The following SLC12A2 variants were observed in gnomAD, a reference collection of about 807,000 sequenced individuals.
The protein encoded by SLC12A2 is solute carrier family 12 member 2.
Under a neutral mutation model 136.3 loss-of-function variants are expected in SLC12A2, and 67 were observed. The observed-to-expected ratio is 0.49, with a 90% CI of 0.40 to 0.60. SLC12A2 has a LOEUF of 0.60. Ranked by LOEUF, SLC12A2 falls within the 20% of genes least tolerant of loss-of-function variation. SLC12A2 has a pLI of 0.00. For synonymous variants in SLC12A2, 619 were observed against 562.9 expected (o/e 1.10, Z -1.41); for missense variants, 1,322 against 1,534.7 (o/e 0.86, Z 2.32).
At chr5:128,099,569 A>G (rs1760670547) in intron 1 of SLC12A2, among the ~76,000 whole-genome samples, 1 of 152,212 alleles carries the variant, frequency 6.6e-6, no homozygotes, top group East Asian at 1.9e-4. Flanking sequence ...TAGATTGTTT[A>G]AAACTTTTTG....
intron 13 of SLC12A2, among the ~76,000 whole-genome samples, chr5:128,150,731 C>G (rs1385017823): frequency 1.3e-5 from 2 of 151,778 alleles, no homozygotes; most frequent in Admixed American, 6.6e-5. Context: ...ATAAATACTT[C>G]ACTAAATGGG....
intron 4 of SLC12A2, among the ~76,000 whole-genome samples, chr5:128,120,495 G>A: frequency 2.6e-5 from 4 of 151,502 alleles, no homozygotes; most frequent in African/African-American, 9.8e-5. Flanking sequence ...TTAAGAAAAT[G>A]TGGCACATAT....
At chr5:128,098,428 C>T (rs1760620936) in intron 1 of SLC12A2, among the ~76,000 whole-genome samples, 1 of 151,372 alleles carries the variant, frequency 6.6e-6, no homozygotes, top group Non-Finnish European at 1.5e-5. Context: ...GTCTTTGTCT[C>T]CTGAATTTAA....
chr5:128,110,836 G>A, intron 1 of SLC12A2: 1 of 1,471,242 alleles, frequency 6.8e-7, no homozygotes. Flanking sequence ...TCTCATGGAT[G>A]ATGACATATT....
rs751447827 is a variant in SLC12A2, at chr5:128,186,664, G to C, written c.*33G>C. On this transcript the variant is annotated 3_prime_UTR_variant, in exon 27 of 27. Coordinates refer to ENST00000262461, the MANE Select transcript of SLC12A2 (RefSeq NM_001046.3). Reference sequence around the variant, plus strand: ...ATACAGTGGACAGCCCTCCAGAATGGTACTTCAGTGCCTAGTGTAGTAACT... The same window carrying C: ...ATACAGTGGACAGCCCTCCAGAATGCTACTTCAGTGCCTAGTGTAGTAACT... The C allele has an allele frequency of 8.7e-6, 14 of 1,608,148 alleles. No homozygotes were observed. In the Admixed American group the frequency reaches 2.3e-4, roughly 27 times the overall value.
intron 1 of SLC12A2, among the ~76,000 whole-genome samples, chr5:128,090,724 C>G (rs1163601014): frequency 6.6e-6 from 1 of 152,042 alleles, no homozygotes; most frequent in East Asian, 1.9e-4. Context: ...AGGGGTGACC[C>G]CCATGCAGAT....
chr5:128,100,111 A>G (rs894074548), intron 1 of SLC12A2, among the ~76,000 whole-genome samples: 3 of 152,146 alleles, frequency 2.0e-5, no homozygotes, highest in Non-Finnish European at 4.4e-5. Context: ...CTCATGAGAA[A>G]TGCATCGCAC....
intron 4 of SLC12A2, among the ~76,000 whole-genome samples, chr5:128,120,302 G>A (rs368427048): frequency 5.6e-5 from 8 of 143,712 alleles, no homozygotes; most frequent in Admixed American, 3.6e-4. Context: ...TCAGTGTGGC[G>A]ATTCCTCAGG....
chr5:128,110,109 G>A (rs1257651940), intron 1 of SLC12A2: 2 of 939,046 alleles, frequency 2.1e-6, no homozygotes, highest in East Asian at 2.4e-5. Context: ...TGAACATGTA[G>A]GTTTTAGAAT....
At chr5:128,128,638 A>G (rs1761903411) in intron 4 of SLC12A2, among the ~76,000 whole-genome samples, 1 of 152,006 alleles carries the variant, frequency 6.6e-6, no homozygotes, top group African/African-American at 2.4e-5. Flanking sequence ...ACCTTAGCCA[A>G]ATTACTTAAC....
chr5:128,096,886 T>G (rs1388789205), intron 1 of SLC12A2, among the ~76,000 whole-genome samples: 1 of 152,062 alleles, frequency 6.6e-6, no homozygotes, highest in Non-Finnish European at 1.5e-5. Flanking sequence ...AAGAAAATCA[T>G]GAAAAGCAGA....
intron 6 of SLC12A2, among the ~76,000 whole-genome samples, chr5:128,134,754 A>G (rs1322068581): frequency 1.3e-5 from 2 of 152,094 alleles, no homozygotes; most frequent in African/African-American, 4.8e-5. Flanking sequence ...CATGTTACCC[A>G]TAAGCAGAGC....
chr5:128,145,609 C>A (rs1762508532), intron 10 of SLC12A2, among the ~76,000 whole-genome samples: 1 of 152,058 alleles, frequency 6.6e-6, no homozygotes, highest in Admixed American at 6.6e-5. Flanking sequence ...TCTTAGAAGT[C>A]TGCTACTGTC....
Position 128,111,099 on chromosome 5 carries a change from ATTGT to A in SLC12A2, c.757-1711_757-1708del, listed in dbSNP as rs763868692. On this transcript the variant is annotated intron_variant, in intron 1 of 26. Coordinates refer to ENST00000262461, the MANE Select transcript of SLC12A2 (RefSeq NM_001046.3). ...CCATGGACAATATAAAATCTGTGTGATTGTTTGCAGTATGAAGATAACGTTTCTA... is the reference window on the plus strand; with the variant it reads ...CCATGGACAATATAAAATCTGTGTGATTGCAGTATGAAGATAACGTTTCTA... 2.8e-4 allele frequency: 138 copies of A among 492,274 alleles called. 1 individual carries two copies. The highest frequency in any genetic ancestry group is 7.9e-4 in the South Asian group (35 of 44,282). 30.5% of individuals were successfully genotyped at this position (492,274 alleles called of 1,614,324 possible). A position where few individuals can be genotyped will look rare whatever the true frequency, so the allele number is the denominator to read the frequency against.
intron 17 of SLC12A2, among the ~76,000 whole-genome samples, chr5:128,165,708 T>G (rs1763178342): frequency 6.6e-6 from 1 of 152,160 alleles, no homozygotes; most frequent in Admixed American, 6.6e-5. Flanking sequence ...GTTATTGCAG[T>G]AACAAAATTG....
At chr5:128,160,024 G>A (rs546305677) in intron 16 of SLC12A2, among the ~76,000 whole-genome samples, 4 of 152,340 alleles carry the variant, frequency 2.6e-5, no homozygotes, top group African/African-American at 9.6e-5. Context: ...TAAGGAAAAT[G>A]TGGTGCATAT....
At chr5:128,119,807 G>T (rs1433711984) in intron 4 of SLC12A2, among the ~76,000 whole-genome samples, 5 of 152,146 alleles carry the variant, frequency 3.3e-5, no homozygotes, top group East Asian at 1.9e-4. Flanking sequence ...GGCAAGGACT[G>T]CATGTCTAAA....
At chr5:128,125,826 T>TATA (rs1382263494) in intron 4 of SLC12A2, among the ~76,000 whole-genome samples, 2 of 152,240 alleles carry the variant, frequency 1.3e-5, no homozygotes, top group Non-Finnish European at 2.9e-5. Flanking sequence ...AATTTTGGAG[T>TATA]ATAATGTGAG....
intron 4 of SLC12A2, among the ~76,000 whole-genome samples, chr5:128,126,964 A>AAT (rs1554105182): frequency 4.6e-5 from 1 of 21,684 alleles, no homozygotes; most frequent in African/African-American, 3.2e-4. Flanking sequence ...ATATATATAT[A>AAT]TATTTTTTTT....
Sources: allele counts gnomAD v4.1 joint callset (sites outside exome capture counted in the v4.1 genomes callset), GRCh38; gene constraint gnomAD v4.1.1; transcripts MANE v1.5; gene names NCBI Gene and HGNC (gene_info 2026-07-23, HGNC 2026-07-21).